The following ASPRV1 variants were observed in gnomAD, a reference collection of about 807,000 sequenced individuals.
ASPRV1 encodes the protein retroviral-like aspartic protease 1.
ASPRV1 carries 7 observed loss-of-function variants against 11.0 expected under a neutral mutation model. That is an observed-to-expected ratio of 0.64 (90% CI 0.36 to 1.20). ASPRV1 has a LOEUF of 1.20. Ranked by LOEUF, ASPRV1 falls within the 50% of genes most tolerant of loss-of-function variation. The pLI is 0.02. For synonymous variants in ASPRV1, 136 were observed against 138.4 expected, an observed-to-expected ratio of 0.98 and a Z score of 0.12; for missense variants, 299 against 320.0, an observed-to-expected ratio of 0.93 and a Z score of 0.50.
the ASPRV1 span, among the ~76,000 whole-genome samples, chr2:70,027,760 G>A: frequency 1.2e-4 from 18 of 152,292 alleles, no homozygotes; most frequent in African/African-American, 4.1e-4. Context: ...AAAGGAATAA[G>A]TTCTAGTATT....
chr2:69,942,021 T>C, the ASPRV1 span: 1 of 152,222 alleles, frequency 6.6e-6, no homozygotes, highest in African/African-American at 2.4e-5. Context: ...CAGGAGACTT[T>C]AACATCCTGG....
chr2:70,034,490 G>T, the ASPRV1 span, among the ~76,000 whole-genome samples: 5,897 of 151,494 alleles, frequency 0.039, 186 homozygotes, highest in Non-Finnish European at 0.061. Flanking sequence ...AGAATCACTT[G>T]AACCCGGGAG....
At chr2:69,970,234 G>A in the ASPRV1 span, among the ~76,000 whole-genome samples, 83 of 151,958 alleles carry the variant, frequency 5.5e-4, 1 homozygote, top group Admixed American at 3.7e-3. Flanking sequence ...TGCTGAGGTC[G>A]GTAGTCATCC....
chr2:69,997,168 A>G, the ASPRV1 span, among the ~76,000 whole-genome samples: 2 of 148,988 alleles, frequency 1.3e-5, no homozygotes, highest in African/African-American at 5.1e-5. Context: ...CCTGGGTGAC[A>G]GAGCAAGACC....
the ASPRV1 span, among the ~76,000 whole-genome samples, chr2:69,947,742 A>G: frequency 6.6e-6 from 1 of 152,096 alleles, no homozygotes; most frequent in African/African-American, 2.4e-5. Flanking sequence ...GGGAAGGTGA[A>G]TGTGAGGGGT....
the ASPRV1 span, among the ~76,000 whole-genome samples, chr2:70,059,273 T>A: frequency 1.5e-4 from 23 of 148,582 alleles, no homozygotes; most frequent in Middle Eastern, 3.4e-3. Context: ...TTTTTTTTTT[T>A]ATGGTAAATT....
the ASPRV1 span, among the ~76,000 whole-genome samples, chr2:69,995,903 C>T: frequency 1.3e-5 from 2 of 152,126 alleles, no homozygotes; most frequent in African/African-American, 4.8e-5. Flanking sequence ...TTGATGCCTG[C>T]TTTTGCAGAT....
chr2:69,939,593 A>C, the ASPRV1 span: 1 of 152,686 alleles, frequency 6.5e-6, no homozygotes, highest in African/African-American at 2.4e-5. Flanking sequence ...GATGTTCTAG[A>C]AACTTTGTAT....
chr2:69,999,933 T>C, the ASPRV1 span, among the ~76,000 whole-genome samples: 1 of 151,994 alleles, frequency 6.6e-6, no homozygotes. Flanking sequence ...CTTGGTCCCC[T>C]CTCTCATCTG....
At chr2:69,955,584 C>T (rs935227145), downstream of ASPRV1, among the ~76,000 whole-genome samples, 33 of 152,162 alleles carry the variant, frequency 2.2e-4, no homozygotes, top group Admixed American at 8.5e-4. Context: ...AAATAAGTAA[C>T]CTGGAGCCAG....
At chr2:69,953,534 G>A in the ASPRV1 span, among the ~76,000 whole-genome samples, 5 of 152,270 alleles carry the variant, frequency 3.3e-5, no homozygotes, top group Non-Finnish European at 7.4e-5. Flanking sequence ...ACTGCGACTG[G>A]GCAGTTACGA....
downstream of ASPRV1, among the ~76,000 whole-genome samples, chr2:69,956,850 G>A (rs751097427): frequency 2.0e-5 from 3 of 152,092 alleles, no homozygotes; most frequent in East Asian, 1.9e-4. Context: ...ATTCCTGCCC[G>A]AAACCCACAG....
At chr2:70,083,563 CAT>C in the ASPRV1 span, 1 of 152,236 alleles carries the variant, frequency 6.6e-6, no homozygotes, top group African/African-American at 2.4e-5. Context: ...GGAGGCGAGT[CAT>C]GTGTGAGGCT....
the ASPRV1 span, chr2:69,937,183 C>T: frequency 3.7e-6 from 6 of 1,606,864 alleles, no homozygotes; most frequent in African/African-American, 2.7e-5. Context: ...GGGGCCATTG[C>T]CCATTTAGAG....
At chr2:70,077,262 G>C in the ASPRV1 span, 1 of 152,102 alleles carries the variant, frequency 6.6e-6, no homozygotes. Context: ...TACCTCCTAA[G>C]TTCCAATTTC....
chr2:69,985,681 G>C, the ASPRV1 span, among the ~76,000 whole-genome samples: 1 of 152,164 alleles, frequency 6.6e-6, no homozygotes, highest in Non-Finnish European at 1.5e-5. Context: ...TGCATATGGG[G>C]CACTGACTTC....
At chr2:69,933,501 T>G in the ASPRV1 span, among the ~76,000 whole-genome samples, 2 of 107,624 alleles carry the variant, frequency 1.9e-5, no homozygotes, top group African/African-American at 1.0e-4. Context: ...AGTGAAAGAC[T>G]TACAAAATAG....
chr2:70,007,149 A>G, the ASPRV1 span, among the ~76,000 whole-genome samples: 1 of 152,252 alleles, frequency 6.6e-6, no homozygotes, highest in Non-Finnish European at 1.5e-5. Context: ...TTAAATGCCA[A>G]TCATTGGTTA....
chr2:69,983,911 A>T, the ASPRV1 span, among the ~76,000 whole-genome samples: 1 of 152,206 alleles, frequency 6.6e-6, no homozygotes, highest in Non-Finnish European at 1.5e-5. Context: ...TGGAGGTCAC[A>T]CAAGGAGACT....
Sources: allele counts gnomAD v4.1 joint callset (sites outside exome capture counted in the v4.1 genomes callset), GRCh38; gene constraint gnomAD v4.1.1; transcripts MANE v1.5; gene names NCBI Gene and HGNC (gene_info 2026-07-23, HGNC 2026-07-21).